ABLIM1: variants seen among roughly 807,000 people sequenced by gnomAD.
ABLIM1 encodes the protein actin-binding LIM protein 1.
In ABLIM1, 40 loss-of-function variants were observed where a neutral mutation model predicts 107.0. That is an observed-to-expected ratio of 0.37 (90% CI 0.29 to 0.49). The LOEUF (loss-of-function observed/expected upper bound fraction) is 0.49, where lower values mean the gene tolerates loss of function less well. ABLIM1 is among the 20% of genes least tolerant of loss of function. The pLI, the probability that ABLIM1 is intolerant of heterozygous loss-of-function variation, is 0.97. For synonymous variants in ABLIM1, 357 were observed against 357.3 expected, an observed-to-expected ratio of 1.00 and a Z score of 0.01; for missense variants, 857 against 1,008.5, an observed-to-expected ratio of 0.85 and a Z score of 2.04.
At chr10:114,787,724 C>T in the ABLIM1 span, among the ~76,000 whole-genome samples, 3 of 136,670 alleles carry the variant, frequency 2.2e-5, no homozygotes, top group African/African-American at 5.3e-5. Context: ...CAGCCCCCCG[C>T]CCGGCCAGCC....
At chr10:114,655,958 C>T (rs1287243567) in intron 1 of ABLIM1, among the ~76,000 whole-genome samples, 2 of 152,154 alleles carry the variant, frequency 1.3e-5, no homozygotes, top group African/African-American at 4.8e-5. Context: ...TTCACACCCA[C>T]TAGGATGGCT....
rs2069345237 is a variant in ABLIM1, at chr10:114,559,510, T to TGG, written c.674-11735_674-11734insCC. Among the ~76,000 whole-genome samples, 3 of 150,214 alleles carry TGG rather than the reference T, an allele frequency of 2.0e-5. No individual in the cohort carries two copies. The South Asian group carries it at 6.4e-4, about 32-fold the overall frequency. ...AGAAAAAGATACTGACTTCCAACCT[T>TGG]CATGAGTGAAAAGTTCTGGCCATGG... is the stretch of plus-strand genomic sequence containing the variant. On this transcript the variant is annotated intron_variant, in intron 4 of 22. Coordinates refer to ENST00000533213, the MANE Select transcript of ABLIM1 (RefSeq NM_002313.7).
At chr10:114,749,484 A>C (rs2082462942) in intron 1 of ABLIM1, among the ~76,000 whole-genome samples, 1 of 133,022 alleles carries the variant, frequency 7.5e-6, no homozygotes, top group African/African-American at 2.5e-5. Context: ...ACACACACAC[A>C]CCACAAAACC....
chr10:114,473,199 G>A lies in ABLIM1; in HGVS notation c.1120-67C>T, dbSNP rs531917073. 8.2e-5 allele frequency: 120 copies of A among 1,461,108 alleles called. No homozygotes were observed. In the African/African-American group the frequency reaches 9.1e-4, roughly 11 times the overall value. The allele number at this position is 1,461,108 out of a possible 1,614,324, so 90.5% of individuals were successfully genotyped here. On this transcript the variant is annotated intron_variant, in intron 9 of 22. Transcript: ENST00000533213. ...ACTGCTTTAGGAAACTGTAGTTGGC[G>A]CATTTCCTGTTGTTTAAAAAGTGAA...
chr10:114,780,364 C>A, the ABLIM1 span, among the ~76,000 whole-genome samples: 1 of 152,174 alleles, frequency 6.6e-6, no homozygotes, highest in African/African-American at 2.4e-5. Context: ...ACTCTTGAAT[C>A]AGGCAACAAC....
chr10:114,713,475 A>G (rs577051227), intron 1 of ABLIM1, among the ~76,000 whole-genome samples: 1 of 152,358 alleles, frequency 6.6e-6, no homozygotes, highest in African/African-American at 2.4e-5. Context: ...CAAGATGAAG[A>G]GAAAGGGAAA....
intron 1 of ABLIM1, among the ~76,000 whole-genome samples, chr10:114,723,714 T>C (rs1386749229): frequency 2.0e-5 from 3 of 152,232 alleles, no homozygotes; most frequent in Non-Finnish European, 2.9e-5. Context: ...GTATGCTTTG[T>C]CTACACAGCA....
At position 114,606,348 on chromosome 10, in the gene ABLIM1, G is replaced by A. The variant is rs140949671; in HGVS notation, c.245-4387C>T. Among the ~76,000 whole-genome samples, 755 of 152,118 alleles carry A rather than the reference G, an allele frequency of 5.0e-3. 14 individuals carry two copies. The highest frequency in any genetic ancestry group is 0.017 in the African/African-American group (710 of 41,482). On this transcript the variant is annotated intron_variant, in intron 1 of 22. Coordinates refer to ENST00000533213, the MANE Select transcript of ABLIM1 (RefSeq NM_002313.7). Reference sequence around the variant, plus strand: ...CCTCCTGGGTTCAAGCAATTCTTCTGCCTCAGCCTCCCTAGTGACTGGGAC... The same window carrying A: ...CCTCCTGGGTTCAAGCAATTCTTCTACCTCAGCCTCCCTAGTGACTGGGAC...
intron 4 of ABLIM1, among the ~76,000 whole-genome samples, chr10:114,566,213 T>C (rs1354895657): frequency 1.3e-5 from 2 of 152,210 alleles, no homozygotes; most frequent in South Asian, 4.1e-4. Context: ...TGAGCCTGCA[T>C]GTGTTTGTGT....
chr10:114,474,382 A>G (rs1439006020), intron 8 of ABLIM1, among the ~76,000 whole-genome samples: 1 of 88,994 alleles, frequency 1.1e-5, no homozygotes, highest in African/African-American at 6.4e-5. Context: ...GGATAGAGAG[A>G]CCTTTTTTTT....
At chr10:114,659,522 A>C (rs1032011631), upstream of ABLIM1, among the ~76,000 whole-genome samples, 2 of 152,104 alleles carry the variant, frequency 1.3e-5, no homozygotes, top group Non-Finnish European at 2.9e-5. Flanking sequence ...CAAAACAAAA[A>C]ATCTGTAGAA....
At chr10:114,661,205 C>T (rs1348083303), upstream of ABLIM1, among the ~76,000 whole-genome samples, 1 of 152,182 alleles carries the variant, frequency 6.6e-6, no homozygotes. Context: ...ACATATGGAT[C>T]ATGAAGACGG....
At chr10:114,734,817 C>A (rs2142204200) in intron 1 of ABLIM1, among the ~76,000 whole-genome samples, 1 of 152,258 alleles carries the variant, frequency 6.6e-6, no homozygotes, top group South Asian at 2.1e-4. Flanking sequence ...TCACACTGCC[C>A]AACAGAATGC....
chr10:114,579,080 C>A (rs182093680), intron 2 of ABLIM1, among the ~76,000 whole-genome samples: 75 of 152,142 alleles, frequency 4.9e-4, no homozygotes, highest in African/African-American at 1.7e-3. Context: ...AGACACTGCT[C>A]CTGGCCCAAT....
At chr10:114,706,928 G>C (rs979669147) in intron 1 of ABLIM1, among the ~76,000 whole-genome samples, 5 of 152,106 alleles carry the variant, frequency 3.3e-5, no homozygotes, top group Non-Finnish European at 5.9e-5. Context: ...CTTACAGGGA[G>C]CCTGGAAGGC....
At chr10:114,445,249 CA>C (rs1445015895) in intron 16 of ABLIM1, 62 bp downstream of exon 16, 2 of 1,466,734 alleles carry the variant, frequency 1.4e-6, no homozygotes, top group Non-Finnish European at 1.9e-6. Flanking sequence ...AGTAGTCATT[CA>C]AAAAATATAG....
chr10:114,712,410 G>A (rs1004500509), intron 1 of ABLIM1, among the ~76,000 whole-genome samples: 1 of 144,570 alleles, frequency 6.9e-6, no homozygotes, highest in Non-Finnish European at 1.5e-5. Context: ...AGCCATAGTA[G>A]TTCCTTCATA....
intron 1 of ABLIM1, among the ~76,000 whole-genome samples, chr10:114,723,901 T>C (rs1157465042): frequency 6.6e-6 from 1 of 152,236 alleles, no homozygotes; most frequent in African/African-American, 2.4e-5. Context: ...TACATATTCA[T>C]TTCAATATTG....
chr10:114,717,640 C>T (rs1417215702), intron 1 of ABLIM1, among the ~76,000 whole-genome samples: 1 of 152,066 alleles, frequency 6.6e-6, no homozygotes, highest in Non-Finnish European at 1.5e-5. Context: ...ATCAGCAGGG[C>T]ACAGTGGCTC....
Sources: gnomAD v4.1 joint callset for allele counts (sites outside exome capture counted in the v4.1 genomes callset) on GRCh38, gnomAD v4.1.1 for gene constraint, MANE v1.5 for transcripts, NCBI Gene and HGNC (gene_info 2026-07-23, HGNC 2026-07-21) for gene names.